Variants in ARAP1 observed in about 807,000 individuals in gnomAD.
ARAP1 encodes ArfGAP with RhoGAP domain, ankyrin repeat and PH domain 1, also known as arf-GAP with Rho-GAP domain, ANK repeat and PH domain-containing protein 1.
Under a neutral mutation model 172.2 loss-of-function variants are expected in ARAP1, and 76 were observed. The observed-to-expected ratio is 0.44, with a 90% CI of 0.37 to 0.53. The LOEUF is 0.53. ARAP1 is among the 20% of genes least tolerant of loss of function. The probability of loss-of-function intolerance (pLI) is 0.00; values close to 1 mark genes in which losing one functional copy is unlikely to be tolerated. For synonymous variants in ARAP1, 804 were observed against 803.3 expected, an observed-to-expected ratio of 1.00 and a Z score of -0.01; for missense variants, 1,686 against 1,977.5, an observed-to-expected ratio of 0.85 and a Z score of 2.80.
chr11:72,746,993 G>A (rs2135596057), intron 1 of ARAP1, among the ~76,000 whole-genome samples: 1 of 152,314 alleles, frequency 6.6e-6, no homozygotes, highest in East Asian at 1.9e-4. Context: ...TGGCAGGGGA[G>A]ACCCTGGCAC....
At chr11:72,692,341 C>G (rs1482767744) in intron 30 of ARAP1, among the ~76,000 whole-genome samples, 1 of 152,066 alleles carries the variant, frequency 6.6e-6, no homozygotes, top group Admixed American at 6.5e-5. Flanking sequence ...CTCGTCCCAC[C>G]CCGGCATGTT....
At chr11:72,728,513 A>G (rs1857765646) in intron 2 of ARAP1, among the ~76,000 whole-genome samples, 1 of 152,118 alleles carries the variant, frequency 6.6e-6, no homozygotes, top group Non-Finnish European at 1.5e-5. Context: ...CCCAGGAGGC[A>G]GAGGTTGCCA....
rs368996621 is a variant in ARAP1 at position 72,697,468 on chromosome 11, G to A, written c.2808C>T (p.Gly936=). Reference sequence around the variant, plus strand: ...AACCCATGAAGTCCAGCCGCCGCTCGCCCTGTATGTACAGTGTCCTGGGCC... The same window carrying A: ...AACCCATGAAGTCCAGCCGCCGCTCACCCTGTATGTACAGTGTCCTGGGCC... The part of the protein sequence containing the change: ...VERRRTLYIQ[G]ERRLDFMGWL... Residue 936 remains glycine, a synonymous_variant, in exon 21 of 35, where the codon GGC becomes GGT. Coordinates refer to ENST00000393609, the MANE Select transcript of ARAP1 (RefSeq NM_001040118.3). 23 of 1,613,310 alleles carry A rather than the reference G, an allele frequency of 1.4e-5. No individual in the cohort carries two copies. The highest frequency in any genetic ancestry group is 1.9e-5 in the Non-Finnish European group (22 of 1,179,848).
At chr11:72,705,781 G>T (rs758066851) in intron 13 of ARAP1, 24 bp downstream of exon 13, 9 of 1,613,142 alleles carry the variant, frequency 5.6e-6, no homozygotes, top group Non-Finnish European at 7.6e-6. Context: ...CCCAAGTATC[G>T]GTGGCAAGCA....
Position 72,710,988 on chromosome 11 carries a change from C to A in ARAP1, c.1213+33G>T. 3 of 1,611,646 alleles carry A rather than the reference C, an allele frequency of 1.9e-6. No individual in the cohort carries two copies. The South Asian group carries it at 3.3e-5, about 18-fold the overall frequency. The stretch of plus-strand genomic sequence containing the variant: ...AACTTCCAGTCTTCTCTACCCTCTT[C>A]TACACACACACACAACACCCCACAC... On this transcript the variant is annotated intron_variant, in intron 9 of 34. Transcript: ENST00000393609. This position sits in a 1 kb window ranked among gnomAD's most constrained non-coding sequence, Gnocchi z 4.3.
In ARAP1 at chr11:72,738,598, A is replaced by ACC. The variant is rs1858107026; in HGVS notation, c.-127-6003_-127-6002dup. Among the ~76,000 whole-genome samples, 3 of 151,870 alleles carry ACC rather than the reference A, an allele frequency of 2.0e-5. No individual in the cohort carries two copies. In the South Asian group the frequency reaches 6.2e-4, roughly 31 times the overall value. On this transcript the variant is annotated intron_variant, in intron 1 of 34. Transcript: ENST00000393609. ...CCTCCCTTATACAGCCTCATCCCCT[A>ACC]CCCTGGGCCCAGCTGTCCCAGCACA... is the stretch of plus-strand genomic sequence containing the variant.
At chr11:72,749,740 G>T (rs1858479662) in intron 1 of ARAP1, among the ~76,000 whole-genome samples, 1 of 152,064 alleles carries the variant, frequency 6.6e-6, no homozygotes, top group Non-Finnish European at 1.5e-5. Context: ...AAATTAGCCA[G>T]GTGTGGTGGC....
chr11:72,718,487 C>T (rs1039529705), intron 3 of ARAP1, among the ~76,000 whole-genome samples: 15 of 152,084 alleles, frequency 9.9e-5, no homozygotes, highest in African/African-American at 3.6e-4. Flanking sequence ...CCCTCTCCCT[C>T]CCGTAGCCCA....
chr11:72,713,658 T>C lies in ARAP1; in HGVS notation c.680-415A>G, dbSNP rs1329084502. 2.0e-5 allele frequency among the ~76,000 whole-genome samples: 3 copies of C among 151,870 alleles called. 1 individual carries two copies. Among genetic ancestry groups the C allele is most frequent in the African/African-American group, 7.3e-5 (3 of 41,354 alleles). The stretch of plus-strand genomic sequence containing the variant: ...CTCAGGAGATCGAGACCATCCTGGC[T>C]AACACGGTGAAACCCCGTCTCTACT... On this transcript the variant is annotated intron_variant, in intron 4 of 34. Coordinates refer to ENST00000393609, the MANE Select transcript of ARAP1 (RefSeq NM_001040118.3).
At chr11:72,692,497 A>G (rs930804883) in intron 30 of ARAP1, among the ~76,000 whole-genome samples, 2 of 152,218 alleles carry the variant, frequency 1.3e-5, no homozygotes, top group African/African-American at 4.8e-5. Flanking sequence ...TTTAACTTCT[A>G]CACTAAGTCC....
intron 14 of ARAP1, 96 bp from the exon 15 acceptor site, chr11:72,703,175 AC>A: frequency 8.0e-7 from 1 of 1,253,246 alleles, no homozygotes. Context: ...GGAAGGAGTC[AC>A]CCAGGCCTGG....
At position 72,703,089 on chromosome 11, in the gene ARAP1, G is replaced by T; in HGVS notation, c.1993-10C>A. The T allele has an allele frequency of 6.5e-7, 1 of 1,545,270 alleles. No individual in the cohort carries two copies. Among genetic ancestry groups the T allele is most frequent in the Non-Finnish European group, 8.7e-7 (1 of 1,148,536 alleles). ...CTGCAGCACACAGGGCCTAGGAAGA[G>T]GCAGGGGAGGGTCAGCCCAAGAAGG... is the stretch of plus-strand genomic sequence containing the variant. On this transcript the variant is annotated splice_polypyrimidine_tract_variant and intron_variant, in intron 14 of 34. Transcript: ENST00000393609.
In ARAP1 at chr11:72,703,025, C is replaced by T. The variant is rs1856568038; in HGVS notation, c.2047G>A (p.Gly683Ser). ...AAGCAGTTGATCCCAGCCCCACAGC[C>T]CAGGAGCGCCTGGGTCTCAGCCAGG... ...TDLAETQALL[G>S]CGAGINCFSG... The change falls in exon 15 of 35, where the codon GGC becomes AGC. Residue 683 changes from glycine (G) to serine (S), a missense_variant. Physicochemically the swap from Gly to Ser is moderately conservative, Grantham distance 56 (BLOSUM62 0). Around this residue, in one of 5 missense-constraint regions of ARAP1, gnomAD observed 688 missense variants for 856.9 expected, o/e 0.80. Transcript: ENST00000393609. 3.1e-6 allele frequency: 5 copies of T among 1,594,896 alleles called. No homozygotes were observed. Among genetic ancestry groups the T allele is most frequent in the Non-Finnish European group, 4.3e-6 (5 of 1,172,034 alleles).
intron 33 of ARAP1, among the ~76,000 whole-genome samples, chr11:72,686,640 C>G (rs534085124): frequency 1.3e-5 from 2 of 152,310 alleles, no homozygotes; most frequent in South Asian, 4.1e-4. Flanking sequence ...AACTCTGTGT[C>G]TTAATTCATC....
chr11:72,689,896 T>C (rs1855866415), intron 30 of ARAP1, among the ~76,000 whole-genome samples: 1 of 151,914 alleles, frequency 6.6e-6, no homozygotes, highest in Non-Finnish European at 1.5e-5. Flanking sequence ...TGGGGGAATA[T>C]AAGGAAGAAA....
chr11:72,707,731 G>A (rs78860152), intron 11 of ARAP1, among the ~76,000 whole-genome samples: 4,766 of 152,216 alleles, frequency 0.031, 239 homozygotes, highest in African/African-American at 0.11. Context: ...GGGCAGGATT[G>A]CACAGGGGGC....
chr11:72,719,585 C>A (rs1273088919), intron 3 of ARAP1, among the ~76,000 whole-genome samples: 1 of 152,204 alleles, frequency 6.6e-6, no homozygotes, highest in Non-Finnish European at 1.5e-5. Flanking sequence ...AGACCCAGGC[C>A]CTACAGGCTG....
intron 4 of ARAP1, among the ~76,000 whole-genome samples, 191 bp downstream of exon 4, chr11:72,713,961 T>G (rs1000182848): frequency 8.7e-5 from 13 of 148,588 alleles, no homozygotes; most frequent in Non-Finnish European, 1.8e-4. Context: ...GCCAGAGAGG[T>G]GGGTGCTGTC....
In ARAP1 at chr11:72,697,311, G is replaced by C. The variant is rs1856252981; in HGVS notation, c.2953+12C>G. On this transcript the variant is annotated intron_variant, in intron 21 of 34. Coordinates refer to ENST00000393609, the MANE Select transcript of ARAP1 (RefSeq NM_001040118.3). ...GGAGGGGCGGGGCTGGCACCCTAGG[G>C]GCAGGGCTCACCGCACTGCGTGATG... The C allele has an allele frequency of 1.3e-6, 2 of 1,579,298 alleles. No homozygotes were observed. The highest frequency in any genetic ancestry group is 1.7e-6 in the Non-Finnish European group (2 of 1,162,186).
Sources: allele counts gnomAD v4.1 joint callset (sites outside exome capture counted in the v4.1 genomes callset), GRCh38; gene constraint gnomAD v4.1.1; regional missense constraint gnomAD v4.1.1; non-coding constraint Gnocchi (gnomAD v3.1); transcripts MANE v1.5; gene names NCBI Gene and HGNC (gene_info 2026-07-23, HGNC 2026-07-21).